Variants in TMPRSS15 observed in about 807,000 individuals in gnomAD.
TMPRSS15 encodes the protein enteropeptidase.
TMPRSS15 carries 128 observed loss-of-function variants against 125.3 expected under a neutral mutation model. That is an observed-to-expected ratio of 1.02 (90% CI 0.89 to 1.18). The LOEUF (loss-of-function observed/expected upper bound fraction) is 1.18, where lower values mean the gene tolerates loss of function less well. Among genes scored for constraint, TMPRSS15 ranks in the 50% most tolerant of loss-of-function variants. The probability of loss-of-function intolerance (pLI) is 0.00; values close to 1 mark genes in which losing one functional copy is unlikely to be tolerated. For synonymous variants in TMPRSS15, 446 were observed against 423.2 expected, an observed-to-expected ratio of 1.05 and a Z score of -0.66; for missense variants, 1,283 against 1,212.7, an observed-to-expected ratio of 1.06 and a Z score of -0.86.
chr21:18,357,841 C>T (rs1227157353), intron 8 of TMPRSS15, among the ~76,000 whole-genome samples: 1 of 151,396 alleles, frequency 6.6e-6, no homozygotes, highest in East Asian at 1.9e-4. Context: ...GTGCTAGATG[C>T]CAGTTGTAAG....
chr21:18,417,622 G>A (rs960574754), intron 1 of TMPRSS15, among the ~76,000 whole-genome samples: 11 of 152,092 alleles, frequency 7.2e-5, no homozygotes, highest in Admixed American at 5.2e-4. Context: ...CTCAATAACC[G>A]TGTGATAAAA....
chr21:18,286,002 G>C (rs575303996), intron 21 of TMPRSS15, among the ~76,000 whole-genome samples: 1 of 152,318 alleles, frequency 6.6e-6, no homozygotes, highest in East Asian at 1.9e-4. Flanking sequence ...ATTTGTGTAA[G>C]TGTAAGAAAC....
chr21:18,465,504 A>G (rs1978641810), intron 1 of TMPRSS15, among the ~76,000 whole-genome samples: 1 of 152,212 alleles, frequency 6.6e-6, no homozygotes, highest in African/African-American at 2.4e-5. Flanking sequence ...TTGTGTATTT[A>G]GAAAACCCCA....
intron 1 of TMPRSS15, among the ~76,000 whole-genome samples, chr21:18,475,868 A>T (rs1313962916): frequency 6.6e-6 from 1 of 152,178 alleles, no homozygotes; most frequent in Non-Finnish European, 1.5e-5. Flanking sequence ...CTTTAACAAG[A>T]TCACTTTTGG....
intron 5 of TMPRSS15, among the ~76,000 whole-genome samples, chr21:18,377,168 C>A (rs1043152958): frequency 4.6e-5 from 7 of 152,078 alleles, no homozygotes; most frequent in Admixed American, 2.0e-4. Context: ...TATGATATTT[C>A]ACCACCTACT....
intron 12 of TMPRSS15, among the ~76,000 whole-genome samples, chr21:18,342,222 T>A (rs1021843507): frequency 2.6e-5 from 4 of 152,224 alleles, no homozygotes; most frequent in African/African-American, 9.6e-5. Context: ...CTGTGCTATG[T>A]AGAAGAGGAA....
At chr21:18,313,187 C>T in intron 17 of TMPRSS15, 110 bp from the exon 18 acceptor site, 1 of 785,654 alleles carries the variant, frequency 1.3e-6, no homozygotes, top group South Asian at 1.4e-5. Context: ...GGAATAAGTT[C>T]ATGAGATCTC....
At chr21:18,420,890 A>T (rs973783573) in intron 1 of TMPRSS15, among the ~76,000 whole-genome samples, 2 of 152,196 alleles carry the variant, frequency 1.3e-5, no homozygotes, top group African/African-American at 4.8e-5. Context: ...TCAAAAGTGT[A>T]TGGCTTTAAC....
At chr21:18,313,634 T>C (rs1433753782) in intron 17 of TMPRSS15, among the ~76,000 whole-genome samples, 3 of 151,886 alleles carry the variant, frequency 2.0e-5, no homozygotes, top group African/African-American at 7.2e-5. Context: ...ATTTCGAGTT[T>C]AGAGATTGAT....
intron 1 of TMPRSS15, among the ~76,000 whole-genome samples, chr21:18,443,287 A>G (rs1322790277): frequency 6.6e-6 from 1 of 152,160 alleles, no homozygotes; most frequent in Non-Finnish European, 1.5e-5. Flanking sequence ...CGGCTGAGAA[A>G]CCATGCTGGG....
intron 1 of TMPRSS15, among the ~76,000 whole-genome samples, chr21:18,424,610 T>C (rs1216386531): frequency 2.0e-5 from 3 of 152,010 alleles, no homozygotes; most frequent in African/African-American, 7.3e-5. Flanking sequence ...TTAATTCAGA[T>C]CAGAGCAAAG....
intron 23 of TMPRSS15, 32 bp downstream of exon 23, chr21:18,278,924 GTTTTTTTT>G (rs59972471): frequency 1.1e-5 from 5 of 437,980 alleles, no homozygotes; most frequent in South Asian, 2.1e-5. Flanking sequence ...CACCAGTAAG[GTTTTTTTT>G]TTTTTTTTTT....
At chr21:18,402,579 G>T (rs1399006735) in intron 1 of TMPRSS15, among the ~76,000 whole-genome samples, 1 of 144,606 alleles carries the variant, frequency 6.9e-6, no homozygotes, top group Non-Finnish European at 1.5e-5. Context: ...TATATATAAA[G>T]TTCATCATTT....
intron 21 of TMPRSS15, among the ~76,000 whole-genome samples, chr21:18,292,712 A>G (rs563042518): frequency 3.9e-5 from 6 of 152,304 alleles, no homozygotes; most frequent in Admixed American, 2.6e-4. Context: ...GAAAACACTG[A>G]CTTTTTAGCT....
At chr21:18,377,675 C>T (rs192563889) in intron 5 of TMPRSS15, among the ~76,000 whole-genome samples, 81 of 152,132 alleles carry the variant, frequency 5.3e-4, no homozygotes, top group Non-Finnish European at 1.0e-3. Flanking sequence ...ATGTATGTTA[C>T]TTGTTGATCT....
intron 1 of TMPRSS15, among the ~76,000 whole-genome samples, chr21:18,419,809 T>C (rs1158184575): frequency 6.6e-6 from 1 of 152,164 alleles, no homozygotes; most frequent in Non-Finnish European, 1.5e-5. Flanking sequence ...GATAAAGAAA[T>C]GGGAATACAA....
chr21:18,368,224 G>A (rs1163089871), intron 6 of TMPRSS15, among the ~76,000 whole-genome samples: 2 of 152,126 alleles, frequency 1.3e-5, no homozygotes, highest in African/African-American at 4.8e-5. Context: ...TTTGGGAAAG[G>A]TATCAACAGC....
intron 1 of TMPRSS15, among the ~76,000 whole-genome samples, chr21:18,441,281 CAAACAAAACA>C (rs371605283): frequency 1.3e-5 from 2 of 149,172 alleles, no homozygotes; most frequent in Non-Finnish European, 3.0e-5. Flanking sequence ...AACTCCGTCT[CAAACAAAACA>C]AAACAAAACA....
At chr21:18,386,857 G>A (rs893985395) in intron 3 of TMPRSS15, among the ~76,000 whole-genome samples, 3 of 152,066 alleles carry the variant, frequency 2.0e-5, no homozygotes, top group Admixed American at 6.6e-5. Context: ...TTTGAGTTAC[G>A]GAGTAAAAGA....
Sources: allele counts gnomAD v4.1 joint callset (sites outside exome capture counted in the v4.1 genomes callset), GRCh38; gene constraint gnomAD v4.1.1; transcripts MANE v1.5; gene names NCBI Gene and HGNC (gene_info 2026-07-23, HGNC 2026-07-21).